Variants in FAT4 observed in about 807,000 individuals in gnomAD.
The protein encoded by FAT4 is FAT atypical cadherin 4.
In FAT4, 84 loss-of-function variants were observed where a neutral mutation model predicts 303.9. The ratio of observed to expected loss-of-function variants is 0.28; its 90% CI spans 0.23 to 0.33. FAT4 has a LOEUF of 0.33. FAT4 is among the 10% of genes least tolerant of loss of function. The pLI is 1.00. For synonymous variants in FAT4, 2,307 were observed against 2,298.8 expected, an observed-to-expected ratio of 1.00 and a Z score of -0.10; for missense variants, 6,005 against 6,146.8, an observed-to-expected ratio of 0.98 and a Z score of 0.77.
chr4:125,361,154 A>G lies in FAT4; in HGVS notation c.5176-37630A>G, dbSNP rs1039104340. Among the ~76,000 whole-genome samples the G allele has an allele frequency of 1.1e-4, 16 of 152,122 alleles. No homozygotes were observed. In the South Asian group the frequency reaches 1.5e-3, roughly 14 times the overall value. Reference sequence around the variant, plus strand: ...AGTTCAATTCAATTAGCTGCAATGAATATGTATTAGATCTCAATTCTCTCC... The same window carrying G: ...AGTTCAATTCAATTAGCTGCAATGAGTATGTATTAGATCTCAATTCTCTCC... On this transcript the variant is annotated intron_variant, in intron 2 of 17. Coordinates refer to ENST00000394329, the MANE Select transcript of FAT4 (RefSeq NM_001291303.3).
Position 125,491,775 on chromosome 4 carries a change from T to C in FAT4, c.*7T>C. The C allele has an allele frequency of 1.3e-6, 2 of 1,594,480 alleles. No individual in the cohort carries two copies. Among genetic ancestry groups the C allele is most frequent in the Admixed American group, 1.8e-5 (1 of 56,376 alleles). On this transcript the variant is annotated 3_prime_UTR_variant, in exon 18 of 18. Transcript: ENST00000394329. ...AGCAGAACAGTATGTGTGAAGTTTATGTACTGGCACTATAAAATATAAAAA... is the reference window on the plus strand; with the variant it reads ...AGCAGAACAGTATGTGTGAAGTTTACGTACTGGCACTATAAAATATAAAAA...
intron 2 of FAT4, among the ~76,000 whole-genome samples, chr4:125,363,343 A>T (rs1732742698): frequency 6.6e-6 from 1 of 151,888 alleles, no homozygotes; most frequent in African/African-American, 2.4e-5. Context: ...TAATATTTGT[A>T]TTCAGCTATA....
intron 2 of FAT4, among the ~76,000 whole-genome samples, chr4:125,364,380 G>GC (rs1387566361): frequency 2.0e-5 from 3 of 151,830 alleles, no homozygotes; most frequent in South Asian, 2.1e-4. Context: ...TAGAAATTTA[G>GC]CCCCCCGTGA....
Position 125,363,107 on chromosome 4 carries a change from C to A in FAT4, c.5176-35677C>A, listed in dbSNP as rs766349041. Reference sequence around the variant, plus strand: ...ATTTAAAAGACTGAAATTATCAAATCATTTTTCACAACAATAAAAATTGTA... The same window carrying A: ...ATTTAAAAGACTGAAATTATCAAATAATTTTTCACAACAATAAAAATTGTA... On this transcript the variant is annotated intron_variant, in intron 2 of 17. Coordinates refer to ENST00000394329, the MANE Select transcript of FAT4 (RefSeq NM_001291303.3). Among the ~76,000 whole-genome samples the A allele has an allele frequency of 6.5e-4, 99 of 152,074 alleles. 1 individual carries two copies. The highest frequency in any genetic ancestry group is 1.1e-3 in the Non-Finnish European group (72 of 67,976).
At chr4:125,349,782 G>T (rs576452288) in intron 2 of FAT4, among the ~76,000 whole-genome samples, 1 of 151,492 alleles carries the variant, frequency 6.6e-6, no homozygotes, top group South Asian at 2.1e-4. Context: ...GATGCACAAA[G>T]GCTCATTTCA....
chr4:125,415,267 A>G lies in FAT4; in HGVS notation c.6304A>G (p.Ile2102Val), dbSNP rs1353628469. Residue 2102 changes from isoleucine to valine, a missense_variant, in exon 6 of 18, where the codon ATT becomes GTT. Ile to Val is a conservative substitution (Grantham distance 29, BLOSUM62 3). Transcript: ENST00000394329. ...GGGAAACAAGTTCAGTATTGGGACC[A>G]TTGATGGTGAAGTGAGGCTCACTGG... ...PLGNKFSIGTIDGEVRLTGEL... is the reference protein window; with the variant it reads ...PLGNKFSIGTVDGEVRLTGEL... The G allele has an allele frequency of 6.2e-7, 1 of 1,613,962 alleles. No homozygotes were observed. Among genetic ancestry groups the G allele is most frequent in the East Asian group, 2.2e-5 (1 of 44,884 alleles).
chr4:125,463,375 A>G (rs1320993814), intron 10 of FAT4, among the ~76,000 whole-genome samples, 188 bp from the exon 11 acceptor site: 1 of 152,040 alleles, frequency 6.6e-6, no homozygotes, highest in Non-Finnish European at 1.5e-5. Context: ...ACATTTTACA[A>G]TAGGACAACT....
chr4:125,429,689 C>G (rs920727894), intron 7 of FAT4, among the ~76,000 whole-genome samples: 15 of 152,230 alleles, frequency 9.9e-5, no homozygotes, highest in South Asian at 2.1e-4. Context: ...ATGTATAACA[C>G]ATGCATGTAT....
At chr4:125,416,385 G>A in intron 6 of FAT4, 63 bp from the exon 7 acceptor site, 7 of 1,350,404 alleles carry the variant, frequency 5.2e-6, no homozygotes, top group South Asian at 2.9e-5. Context: ...TTTAATGGAG[G>A]CATTTTATTT....
chr4:125,373,739 G>A (rs775756537), intron 2 of FAT4, among the ~76,000 whole-genome samples: 1 of 152,026 alleles, frequency 6.6e-6, no homozygotes, highest in Admixed American at 6.6e-5. Context: ...AGAAACAGGG[G>A]CACAGGGAGG....
chr4:125,344,580 C>T (rs1432889314), intron 2 of FAT4, among the ~76,000 whole-genome samples: 4 of 152,088 alleles, frequency 2.6e-5, no homozygotes, highest in South Asian at 2.1e-4. Flanking sequence ...AGAGAGAAAA[C>T]GAGATATTTT....
intron 5 of FAT4, among the ~76,000 whole-genome samples, chr4:125,411,549 A>G (rs1734841719): frequency 6.6e-6 from 1 of 151,688 alleles, no homozygotes. Flanking sequence ...ACCTTGTTGA[A>G]ACTGCTTTAT....
At chr4:125,403,103 G>A (rs559424002) in intron 3 of FAT4, among the ~76,000 whole-genome samples, 5 of 152,128 alleles carry the variant, frequency 3.3e-5, no homozygotes, top group Non-Finnish European at 7.4e-5. Context: ...TAAGAAAATA[G>A]TAAGAATAAG....
intron 2 of FAT4, among the ~76,000 whole-genome samples, chr4:125,391,925 C>G (rs1315046165): frequency 1.3e-5 from 2 of 151,956 alleles, no homozygotes; most frequent in Admixed American, 6.6e-5. Context: ...CCTGGATTTG[C>G]TTAAAAACAG....
intron 2 of FAT4, among the ~76,000 whole-genome samples, chr4:125,373,050 C>T (rs1055946704): frequency 3.9e-5 from 6 of 152,008 alleles, no homozygotes; most frequent in South Asian, 2.1e-4. Context: ...TTTATTATAA[C>T]AAAATTCAGA....
chr4:125,490,335 G>T lies in FAT4; in HGVS notation c.13519G>T (p.Val4507Leu). 6.2e-7 allele frequency: 1 copy of T among 1,614,136 alleles called. No individual in the cohort carries two copies. The highest frequency in any genetic ancestry group is 8.5e-7 in the Non-Finnish European group (1 of 1,180,032). ...PEEISLPLWAVPAIVGSCATV... is the reference protein window; with the variant it reads ...PEEISLPLWALPAIVGSCATV... ...AGAGATCTCTCTGCCTTTGTGGGCTGTGCCTGCCATCGTGGGCAGCTGCGC... is the reference window on the plus strand; with the variant it reads ...AGAGATCTCTCTGCCTTTGTGGGCTTTGCCTGCCATCGTGGGCAGCTGCGC... Residue 4507 changes from valine to leucine, a missense_variant, in exon 18 of 18, where the codon GTG becomes TTG. Physicochemically the swap from Val to Leu is conservative, Grantham distance 32. Coordinates refer to ENST00000394329, the MANE Select transcript of FAT4 (RefSeq NM_001291303.3).
chr4:125,402,331 A>G (rs1734418862), intron 3 of FAT4, among the ~76,000 whole-genome samples: 1 of 152,072 alleles, frequency 6.6e-6, no homozygotes, highest in Admixed American at 6.6e-5. Flanking sequence ...GAATGTAGCT[A>G]CTTCCATACC....
At chr4:125,336,407 A>C (rs2125963265) in intron 2 of FAT4, among the ~76,000 whole-genome samples, 1 of 152,142 alleles carries the variant, frequency 6.6e-6, no homozygotes, top group South Asian at 2.1e-4. Context: ...TGTTTTGATA[A>C]GTGTCAGATA....
chr4:125,357,631 T>C (rs543713180), intron 2 of FAT4, among the ~76,000 whole-genome samples: 17 of 152,180 alleles, frequency 1.1e-4, no homozygotes, highest in Non-Finnish European at 2.2e-4. Flanking sequence ...ATTTTACTGC[T>C]TTCACTAAAG....
Sources: gnomAD v4.1 joint callset for allele counts (sites outside exome capture counted in the v4.1 genomes callset) on GRCh38, gnomAD v4.1.1 for gene constraint, MANE v1.5 for transcripts, NCBI Gene and HGNC (gene_info 2026-07-23, HGNC 2026-07-21) for gene names.